UPRT: variants seen among roughly 807,000 people sequenced by gnomAD.
UPRT encodes the protein RP11-311P8.3.
Under a neutral mutation model 22.6 loss-of-function variants are expected in UPRT, and 5 were observed. The observed-to-expected ratio is 0.22, with a 90% CI of 0.12 to 0.47. The LOEUF (loss-of-function observed/expected upper bound fraction) is 0.47, where lower values mean the gene tolerates loss of function less well. Among genes scored for constraint, UPRT ranks in the 20% least tolerant of loss-of-function variants. The pLI is 0.99. For missense variants in UPRT, 181 were observed against 239.9 expected (o/e 0.75, Z 1.62); for synonymous variants, 77 against 87.7 (o/e 0.88, Z 0.68).
intron 4 of UPRT, among the ~76,000 whole-genome samples, chrX:75,198,812 C>T (rs991564133): frequency 1.8e-5 from 2 of 111,383 alleles, no homozygotes; most frequent in African/African-American, 6.5e-5. Flanking sequence ...CAATGCCACC[C>T]CAACCCCATC....
intron 4 of UPRT, among the ~76,000 whole-genome samples, chrX:75,196,840 C>A (rs766751269): frequency 9.1e-6 from 1 of 110,426 alleles, no homozygotes; most frequent in East Asian, 2.8e-4. Flanking sequence ...AAGTGAGACT[C>A]TTTCTCAAAA....
chrX:75,239,846 A>C (rs941933552), intron 4 of UPRT, among the ~76,000 whole-genome samples: 2 of 111,338 alleles, frequency 1.8e-5, no homozygotes, highest in African/African-American at 6.5e-5. Flanking sequence ...TAAAAGCAAA[A>C]ATCATACCAT....
chrX:75,244,557 A>T (rs866550036), intron 4 of UPRT, among the ~76,000 whole-genome samples: 38 of 111,848 alleles, frequency 3.4e-4, no homozygotes, highest in Non-Finnish European at 7.0e-4. Flanking sequence ...TGATACAAAA[A>T]GTATCACCAG....
intron 4 of UPRT, among the ~76,000 whole-genome samples, chrX:75,246,510 G>T: frequency 9.0e-6 from 1 of 110,680 alleles, no homozygotes; most frequent in East Asian, 2.9e-4. Context: ...ATCATTGATG[G>T]ACATTTCGGT....
At chrX:75,210,153 C>T (rs1048948767) in intron 4 of UPRT, among the ~76,000 whole-genome samples, 8 of 111,375 alleles carry the variant, frequency 7.2e-5, no homozygotes, top group Non-Finnish European at 1.1e-4. Flanking sequence ...TATTATATGG[C>T]CTTGTTGCTG....
chrX:75,180,556 A>T (rs1345207975), intron 4 of UPRT, among the ~76,000 whole-genome samples: 1 of 111,229 alleles, frequency 9.0e-6, no homozygotes, highest in Non-Finnish European at 1.9e-5. Context: ...CGCTTTTCTG[A>T]CATATTCCTG....
At chrX:75,198,993 G>A (rs763740842) in intron 4 of UPRT, among the ~76,000 whole-genome samples, 2 of 112,181 alleles carry the variant, frequency 1.8e-5, no homozygotes, top group South Asian at 7.5e-4. Context: ...GGCCAGCCCT[G>A]CCTTGAGGGG....
intron 4 of UPRT, among the ~76,000 whole-genome samples, chrX:75,175,893 T>G (rs1481170872): frequency 2.7e-5 from 3 of 111,319 alleles, no homozygotes; most frequent in Non-Finnish European, 5.6e-5. Flanking sequence ...TCTTGGTCCC[T>G]ATTATAGAAC....
chrX:75,232,956 GAGA>G (rs1361518262), intron 4 of UPRT, among the ~76,000 whole-genome samples: 1 of 112,348 alleles, frequency 8.9e-6, no homozygotes, highest in Non-Finnish European at 1.9e-5. Flanking sequence ...GACGAGCTGA[GAGA>G]AGAAGGCTTC....
chrX:75,228,237 C>G (rs1032650933), intron 4 of UPRT, among the ~76,000 whole-genome samples: 2 of 111,841 alleles, frequency 1.8e-5, no homozygotes, highest in African/African-American at 6.5e-5. Flanking sequence ...GGCTCTAGGT[C>G]TTTGTATTTT....
chrX:75,187,745 C>A (rs1196007900), intron 4 of UPRT, among the ~76,000 whole-genome samples: 1 of 111,353 alleles, frequency 9.0e-6, no homozygotes, highest in Non-Finnish European at 1.9e-5. Flanking sequence ...TTTCTCTAAA[C>A]TTCCCTTCTT....
intron 4 of UPRT, among the ~76,000 whole-genome samples, chrX:75,182,665 T>C (rs991008759): frequency 1.8e-5 from 2 of 111,944 alleles, no homozygotes; most frequent in African/African-American, 6.5e-5. Context: ...TCTCTCTGTG[T>C]TTTTTGTATA....
At chrX:75,198,656 A>G (rs903112733) in intron 4 of UPRT, among the ~76,000 whole-genome samples, 2 of 112,040 alleles carry the variant, frequency 1.8e-5, no homozygotes, top group African/African-American at 6.5e-5. Context: ...AAACTAGAAG[A>G]TAAACCTGAA....
At chrX:75,228,947 C>T (rs2082430355) in intron 4 of UPRT, among the ~76,000 whole-genome samples, 1 of 111,761 alleles carries the variant, frequency 8.9e-6, no homozygotes, top group South Asian at 3.7e-4. Context: ...TTTGTGGAAT[C>T]CAAAAAAGTC....
chrX:75,211,878 G>T lies in UPRT; in HGVS notation c.-447+43999G>T, dbSNP rs939697602. Among the ~76,000 whole-genome samples, 4 of 111,648 alleles carry T rather than the reference G, an allele frequency of 3.6e-5. No homozygotes were observed. The Admixed American group carries it at 3.8e-4, about 11-fold the overall frequency. ...GTATATCGCAAAAACCTGTTAAGGT[G>T]GGGGACCAGCTTAATGCCAGAGCCC... On this transcript the variant is annotated intron_variant, in intron 4 of 13. Coordinates refer to the UPRT transcript ENST00000652605.
intron 1 of UPRT, among the ~76,000 whole-genome samples, chrX:75,160,546 T>G (rs1332830186): frequency 1.8e-5 from 2 of 112,345 alleles, no homozygotes; most frequent in African/African-American, 6.5e-5. Flanking sequence ...TATTTATTTT[T>G]TAGAGACAGA....
chrX:75,233,782 G>A (rs1253435008), intron 4 of UPRT, among the ~76,000 whole-genome samples: 1 of 110,765 alleles, frequency 9.0e-6, no homozygotes, highest in African/African-American at 3.3e-5. Context: ...GCTCCTGAAG[G>A]AAGCACTAAA....
intron 3 of UPRT, 47 bp downstream of exon 3, chrX:75,296,458 C>T (rs769096023): frequency 1.8e-6 from 2 of 1,091,778 alleles, no homozygotes; most frequent in Non-Finnish European, 2.5e-6. Context: ...AAATTCTGAG[C>T]TAGAATGGGG....
chrX:75,256,563 G>A (rs2082550289), intron 4 of UPRT, among the ~76,000 whole-genome samples: 1 of 110,560 alleles, frequency 9.0e-6, no homozygotes, highest in Non-Finnish European at 1.9e-5. Context: ...AAATACAAAA[G>A]ATAAATGAAA....
Sources: gnomAD v4.1 joint callset for allele counts (sites outside exome capture counted in the v4.1 genomes callset) on GRCh38, gnomAD v4.1.1 for gene constraint, MANE v1.5 for transcripts, NCBI Gene and HGNC (gene_info 2026-07-23, HGNC 2026-07-21) for gene names.